PAPPA: variants seen among roughly 807,000 people sequenced by gnomAD.
PAPPA encodes the protein pappalysin-1.
PAPPA carries 60 observed loss-of-function variants against 164.0 expected under a neutral mutation model. The ratio of observed to expected loss-of-function variants is 0.37; its 90% confidence interval spans 0.30 to 0.45. The LOEUF (loss-of-function observed/expected upper bound fraction) is 0.45, where lower values mean the gene tolerates loss of function less well. Among genes scored for constraint, PAPPA ranks in the 20% least tolerant of loss-of-function variants. The probability of loss-of-function intolerance (pLI) is 1.00; values close to 1 mark genes in which losing one functional copy is unlikely to be tolerated. For synonymous variants in PAPPA, 875 were observed against 814.1 expected (o/e 1.07, Z -1.27); for missense variants, 1,782 against 2,087.3 (o/e 0.85, Z 2.85).
In PAPPA at chr9:116,246,816, A is replaced by G. The variant is rs141722989; in HGVS notation, c.2732+11179A>G. ...GACTGCTTGAGCCAAAGAGTTCAAGACCAGCCTGGACAGCATAGAAAGACC... is the reference window on the plus strand; with the variant it reads ...GACTGCTTGAGCCAAAGAGTTCAAGGCCAGCCTGGACAGCATAGAAAGACC... On this transcript the variant is annotated intron_variant, in intron 7 of 21. Coordinates refer to ENST00000328252, the MANE Select transcript of PAPPA (RefSeq NM_002581.5). Among the ~76,000 whole-genome samples the G allele has an allele frequency of 8.3e-3, 1,267 of 152,264 alleles. 21 individuals are homozygous for G. The highest frequency in any genetic ancestry group is 0.029 in the African/African-American group (1,210 of 41,540).
At chr9:116,314,014 G>A (rs912230166) in intron 10 of PAPPA, among the ~76,000 whole-genome samples, 4 of 143,338 alleles carry the variant, frequency 2.8e-5, no homozygotes, top group Non-Finnish European at 6.1e-5. Flanking sequence ...GCTTGGAATA[G>A]AGTAAGTACT....
At chr9:116,331,392 GCAGCGAGCCA>G in intron 11 of PAPPA, 35 bp downstream of exon 11, 1 of 1,269,060 alleles carries the variant, frequency 7.9e-7, no homozygotes, top group Non-Finnish European at 1.2e-6. Flanking sequence ...GGAATCTCCA[GCAGCGAGCCA>G]CAGAAAACAC....
intron 12 of PAPPA, 25 bp downstream of exon 12, chr9:116,332,493 C>T: frequency 6.3e-7 from 1 of 1,594,400 alleles, no homozygotes; most frequent in African/African-American, 1.3e-5. Context: ...TTGGTCTTGG[C>T]TTGCTTTCAG....
At chr9:116,204,464 G>A (rs186974369) in intron 2 of PAPPA, among the ~76,000 whole-genome samples, 32 of 152,254 alleles carry the variant, frequency 2.1e-4, no homozygotes, top group African/African-American at 7.0e-4. Context: ...GCCCAAGTGG[G>A]AGTACAGTGG....
chr9:116,388,271 T>C (rs1846842733), intron 21 of PAPPA, among the ~76,000 whole-genome samples: 1 of 152,164 alleles, frequency 6.6e-6, no homozygotes, highest in Non-Finnish European at 1.5e-5. Flanking sequence ...TGTCAGTTTA[T>C]TATTTTCCTG....
At chr9:116,163,985 C>T (rs1843695681) in intron 1 of PAPPA, among the ~76,000 whole-genome samples, 1 of 152,078 alleles carries the variant, frequency 6.6e-6, no homozygotes. Context: ...AATTCTAGCC[C>T]CCACAAATAT....
Position 116,396,684 on chromosome 9 carries a change from A to T in PAPPA, c.*68A>T, listed in dbSNP as rs1846969266. On this transcript the variant is annotated 3_prime_UTR_variant, in exon 22 of 22. Coordinates refer to ENST00000328252, the MANE Select transcript of PAPPA (RefSeq NM_002581.5). ...CACATCCCTTTGGTATTGATTTCAC[A>T]GTCAGCTGCTCAACGGAATGGCCTC... The T allele has an allele frequency of 5.4e-6, 4 of 747,106 alleles. No individual in the cohort carries two copies. The Admixed American group carries it at 7.1e-5, about 13-fold the overall frequency. The allele number at this position is 747,106 out of a possible 1,614,324, so 46.3% of individuals were successfully genotyped here.
At chr9:116,194,719 C>T (rs915307212) in intron 2 of PAPPA, among the ~76,000 whole-genome samples, 2 of 152,146 alleles carry the variant, frequency 1.3e-5, no homozygotes, top group Non-Finnish European at 2.9e-5. Flanking sequence ...TGGTACAGTG[C>T]CTGGCACATG....
chr9:116,199,276 C>T (rs997546027), intron 2 of PAPPA, among the ~76,000 whole-genome samples: 2 of 152,220 alleles, frequency 1.3e-5, no homozygotes, highest in South Asian at 4.2e-4. Flanking sequence ...AAGGACATGC[C>T]GTTGGCAGAT....
intron 14 of PAPPA, among the ~76,000 whole-genome samples, chr9:116,346,319 C>A (rs1365450633): frequency 1.3e-5 from 2 of 152,164 alleles, no homozygotes; most frequent in Admixed American, 1.3e-4. Context: ...TTTACTCTTT[C>A]ATTTTTCCTA....
chr9:116,231,060 G>A (rs1247598214), intron 6 of PAPPA, among the ~76,000 whole-genome samples: 1 of 141,322 alleles, frequency 7.1e-6, no homozygotes, highest in Non-Finnish European at 1.5e-5. Flanking sequence ...CTATATTTGT[G>A]TCAACAGCTG....
intron 7 of PAPPA, among the ~76,000 whole-genome samples, chr9:116,247,324 AC>A (rs1466605748): frequency 3.9e-5 from 6 of 152,192 alleles, no homozygotes; most frequent in African/African-American, 1.4e-4. Context: ...AGAACATGCT[AC>A]TTTTCCTTTT....
intron 19 of PAPPA, among the ~76,000 whole-genome samples, chr9:116,369,489 C>T (rs1393559934): frequency 6.6e-6 from 1 of 152,142 alleles, no homozygotes; most frequent in African/African-American, 2.4e-5. Flanking sequence ...ATACTACCAG[C>T]TCTCCTTCCT....
At chr9:116,262,180 G>A (rs1347401342) in intron 7 of PAPPA, among the ~76,000 whole-genome samples, 8 of 147,442 alleles carry the variant, frequency 5.4e-5, no homozygotes, top group Non-Finnish European at 1.2e-4. Flanking sequence ...CTTCTGCCTG[G>A]GTGACAGAGC....
chr9:116,308,103 A>T (rs543590214), intron 10 of PAPPA, among the ~76,000 whole-genome samples: 1 of 152,374 alleles, frequency 6.6e-6, no homozygotes, highest in South Asian at 2.1e-4. Context: ...CAGTTGCGTC[A>T]GCAAACGTTT....
At chr9:116,198,646 T>G (rs1253624082) in intron 2 of PAPPA, among the ~76,000 whole-genome samples, 1 of 152,220 alleles carries the variant, frequency 6.6e-6, no homozygotes, top group African/African-American at 2.4e-5. Context: ...AGAGTAGCTT[T>G]TAGGCTGTGT....
chr9:116,377,443 C>A, intron 19 of PAPPA, 133 bp from the exon 20 acceptor site: 1 of 619,496 alleles, frequency 1.6e-6, no homozygotes, highest in Non-Finnish European at 2.9e-6. Context: ...GCAAGTTCTC[C>A]ATGTAAAAGC....
chr9:116,380,388 G>A (rs1846715493), intron 20 of PAPPA, among the ~76,000 whole-genome samples: 1 of 152,132 alleles, frequency 6.6e-6, no homozygotes, highest in Non-Finnish European at 1.5e-5. Flanking sequence ...CTAGTGATGG[G>A]ACTGGAGAAT....
rs527851013 is a variant in PAPPA at position 116,321,317 on chromosome 9, G to A, written c.3148-9927G>A. Among the ~76,000 whole-genome samples the A allele has an allele frequency of 9.9e-5, 15 of 152,270 alleles. No individual in the cohort carries two copies. The East Asian group carries it at 1.5e-3, about 16-fold the overall frequency. On this transcript the variant is annotated intron_variant, in intron 10 of 21. Transcript: ENST00000328252. ...GCTGGGATTACAGGCGTGAGCCACC[G>A]CGCCTGGCCATACATTCGCTTAGCA... is the stretch of plus-strand genomic sequence containing the variant.
Sources: gnomAD v4.1 joint callset for allele counts (sites outside exome capture counted in the v4.1 genomes callset) on GRCh38, gnomAD v4.1.1 for gene constraint, MANE v1.5 for transcripts, NCBI Gene and HGNC (gene_info 2026-07-23, HGNC 2026-07-21) for gene names.